RAP1A: variants seen among roughly 807,000 people sequenced by gnomAD.
RAP1A encodes RAP1A, member of RAS oncogene family.
Under a neutral mutation model 26.4 loss-of-function variants are expected in RAP1A, and 6 were observed. That is an observed-to-expected ratio of 0.23 (90% CI 0.12 to 0.45). The LOEUF (loss-of-function observed/expected upper bound fraction) is 0.45, where lower values mean the gene tolerates loss of function less well. Among genes scored for constraint, RAP1A ranks in the 20% least tolerant of loss-of-function variants. The pLI, the probability that RAP1A is intolerant of heterozygous loss-of-function variation, is 0.99. For synonymous variants in RAP1A, 73 were observed against 79.4 expected (o/e 0.92, Z 0.43); for missense variants, 121 against 217.2 (o/e 0.56, Z 2.78).
chr1:111,593,649 C>T (rs1332828582), intron 1 of RAP1A, among the ~76,000 whole-genome samples: 1 of 70,670 alleles, frequency 1.4e-5, no homozygotes, highest in South Asian at 5.6e-4. Flanking sequence ...GTTATGACTC[C>T]TACTTTTTTT....
At chr1:111,619,071 G>A (rs1453846091), upstream of RAP1A, among the ~76,000 whole-genome samples, 2 of 152,222 alleles carry the variant, frequency 1.3e-5, no homozygotes, top group African/African-American at 4.8e-5. Flanking sequence ...GCCAAGCCTA[G>A]CTGGTACTGC....
chr1:111,564,042 G>T (rs1252220336), intron 1 of RAP1A: 2 of 937,110 alleles, frequency 2.1e-6, no homozygotes, highest in Non-Finnish European at 3.5e-6. Flanking sequence ...AGAGAACCAG[G>T]AATTCCCTGT....
intron 1 of RAP1A, among the ~76,000 whole-genome samples, chr1:111,677,860 C>T (rs1466268652): frequency 3.3e-5 from 5 of 152,132 alleles, no homozygotes; most frequent in South Asian, 2.1e-4. Flanking sequence ...TGAGAGGGAA[C>T]GATACAAGGT....
At chr1:111,681,725 T>C (rs1481151498) in intron 1 of RAP1A, among the ~76,000 whole-genome samples, 1 of 152,148 alleles carries the variant, frequency 6.6e-6, no homozygotes, top group Non-Finnish European at 1.5e-5. Flanking sequence ...CTACGATTGA[T>C]TGGTATACCT....
rs143327400 is a variant in RAP1A, at chr1:111,593,820, T to C, written c.-28+51311T>C. ...AAAAACCAGAAAGAAAATCCATGTG[T>C]GCAAAGAACAAGGCCTAAGATTCAT... On this transcript the variant is annotated intron_variant, in intron 1 of 7. Coordinates refer to the RAP1A transcript ENST00000356415. Among the ~76,000 whole-genome samples, 4 of 152,144 alleles carry C rather than the reference T, an allele frequency of 2.6e-5. No homozygotes were observed. The East Asian group carries it at 5.8e-4, about 22-fold the overall frequency.
At chr1:111,677,491 G>A (rs1184509937) in intron 1 of RAP1A, among the ~76,000 whole-genome samples, 1 of 152,182 alleles carries the variant, frequency 6.6e-6, no homozygotes, top group Non-Finnish European at 1.5e-5. Flanking sequence ...GGATTTGAGA[G>A]TGACTTGGTT....
intron 1 of RAP1A, among the ~76,000 whole-genome samples, chr1:111,686,011 A>T (rs957277356): frequency 6.6e-5 from 10 of 152,096 alleles, no homozygotes; most frequent in African/African-American, 2.4e-4. Flanking sequence ...ATTCTCAGCA[A>T]ACTAACACAG....
rs1660528973 is a variant in RAP1A, at chr1:111,658,283, T to C, written c.-27-33051T>C. 1.3e-5 allele frequency among the ~76,000 whole-genome samples: 2 copies of C among 152,116 alleles called. 1 individual carries two copies. Among genetic ancestry groups the C allele is most frequent in the South Asian group, 4.1e-4 (2 of 4,830 alleles). ...CAGTCACACATCACTTAACAACATA[T>C]CTCCTAGCTGTGATCACACCACTGC... is the stretch of plus-strand genomic sequence containing the variant. On this transcript the variant is annotated intron_variant, in intron 1 of 7. Coordinates refer to ENST00000369709, the MANE Select transcript of RAP1A (RefSeq NM_002884.4).
chr1:111,571,114 G>A (rs1658039815), intron 1 of RAP1A, among the ~76,000 whole-genome samples: 2 of 152,156 alleles, frequency 1.3e-5, no homozygotes. Context: ...CTCCCCCTCA[G>A]GTTTAATCAC....
At chr1:111,615,093 A>G (rs1658990760), upstream of RAP1A, among the ~76,000 whole-genome samples, 1 of 152,110 alleles carries the variant, frequency 6.6e-6, no homozygotes, top group Non-Finnish European at 1.5e-5. Context: ...ACTCCTTTGT[A>G]AAAAGTTAGT....
At chr1:111,674,219 T>A (rs185881353) in intron 1 of RAP1A, among the ~76,000 whole-genome samples, 1 of 152,170 alleles carries the variant, frequency 6.6e-6, no homozygotes, top group Non-Finnish European at 1.5e-5. Flanking sequence ...GGTAGGGATG[T>A]AGGCATCCTT....
chr1:111,557,305 T>C (rs963450319), intron 1 of RAP1A, among the ~76,000 whole-genome samples: 1 of 152,110 alleles, frequency 6.6e-6, no homozygotes, highest in Admixed American at 6.6e-5. Flanking sequence ...TCCTAGCACT[T>C]TGGGAGTCCG....
intron 1 of RAP1A, among the ~76,000 whole-genome samples, chr1:111,645,880 AAAGG>A (rs1362552410): frequency 6.6e-6 from 1 of 152,220 alleles, no homozygotes; most frequent in Non-Finnish European, 1.5e-5. Context: ...GGTTAGGAGA[AAAGG>A]AAGGGAAACA....
At chr1:111,676,762 T>C (rs1421006729) in intron 1 of RAP1A, among the ~76,000 whole-genome samples, 4 of 152,126 alleles carry the variant, frequency 2.6e-5, no homozygotes, top group Non-Finnish European at 5.9e-5. Context: ...TGTCACTGTT[T>C]TATCTTTTCT....
chr1:111,559,081 A>G (rs1657628894), intron 1 of RAP1A, among the ~76,000 whole-genome samples: 1 of 152,184 alleles, frequency 6.6e-6, no homozygotes, highest in South Asian at 2.1e-4. Context: ...TTTTTAAAAA[A>G]CATGTATTTA....
At chr1:111,588,556 T>C (rs764344829) in intron 1 of RAP1A, among the ~76,000 whole-genome samples, 4 of 152,206 alleles carry the variant, frequency 2.6e-5, no homozygotes, top group Non-Finnish European at 4.4e-5. Context: ...GTACCTCTAA[T>C]GGCTTCCTGT....
At chr1:111,597,471 T>C (rs1658583537) in intron 1 of RAP1A, among the ~76,000 whole-genome samples, 1 of 152,220 alleles carries the variant, frequency 6.6e-6, no homozygotes, top group South Asian at 2.1e-4. Flanking sequence ...CCCAAATGTG[T>C]ATACTCCAGG....
intron 1 of RAP1A, among the ~76,000 whole-genome samples, chr1:111,577,043 C>T (rs996015669): frequency 6.6e-6 from 1 of 152,116 alleles, no homozygotes; most frequent in African/African-American, 2.4e-5. Context: ...GATGTGGATC[C>T]AAATACTTGG....
chr1:111,553,100 C>A (rs891630111), intron 1 of RAP1A, among the ~76,000 whole-genome samples: 2 of 152,200 alleles, frequency 1.3e-5, no homozygotes, highest in Admixed American at 1.3e-4. Flanking sequence ...AACAATTTCT[C>A]ATTAATTTCT....
Sources: allele counts gnomAD v4.1 joint callset (sites outside exome capture counted in the v4.1 genomes callset), GRCh38; gene constraint gnomAD v4.1.1; transcripts MANE v1.5; gene names NCBI Gene and HGNC (gene_info 2026-07-23, HGNC 2026-07-21).